UBE2U: variants seen among roughly 807,000 people sequenced by gnomAD.
UBE2U encodes the protein ubiquitin-conjugating enzyme E2 U.
A neutral mutation model predicts 41.2 loss-of-function variants in UBE2U; 39 were observed. That is an observed-to-expected ratio of 0.95 (90% CI 0.73 to 1.24). UBE2U has a LOEUF of 1.24. Ranked by LOEUF, UBE2U falls within the 50% of genes most tolerant of loss-of-function variation. The pLI is 0.00. For synonymous variants in UBE2U, 107 were observed against 117.8 expected, an observed-to-expected ratio of 0.91 and a Z score of 0.60; for missense variants, 336 against 363.1, an observed-to-expected ratio of 0.93 and a Z score of 0.61.
In UBE2U at chr1:64,234,956, A is replaced by C. The variant is rs923938151; in HGVS notation, c.595+2307A>C. On this transcript the variant is annotated intron_variant, in intron 7 of 9. Coordinates refer to ENST00000371077, the MANE Select transcript of UBE2U (RefSeq NM_001366232.2). ...AGTCAAACTCCTTCCACCAAAAAAC[A>C]GATTGTTACAGGAGGGTGCTTTCTA... Among the ~76,000 whole-genome samples, 5 of 152,300 alleles carry C rather than the reference A, an allele frequency of 3.3e-5. No homozygotes were observed. In the East Asian group the frequency reaches 9.7e-4, roughly 29 times the overall value.
intron 6 of UBE2U, among the ~76,000 whole-genome samples, chr1:64,221,285 G>A (rs41285396): frequency 6.1e-4 from 93 of 152,150 alleles, no homozygotes; most frequent in Non-Finnish European, 1.2e-3. Context: ...CTAATTTTTT[G>A]TATTTTTAGT....
intron 7 of UBE2U, among the ~76,000 whole-genome samples, chr1:64,241,429 C>T (rs1272771170): frequency 2.0e-5 from 3 of 152,112 alleles, no homozygotes; most frequent in Admixed American, 2.0e-4. Context: ...ATGAAAATAA[C>T]TTCCAAGTCA....
At chr1:64,244,187 CAG>C (rs1644882436) in intron 8 of UBE2U, 1 of 1,600,816 alleles carries the variant, frequency 6.2e-7, no homozygotes, top group Non-Finnish European at 8.5e-7. Flanking sequence ...CAGAGTCAAA[CAG>C]ATGTTGGAGA....
rs1185140776 is a variant in UBE2U at position 64,239,131 on chromosome 1, AG to A, written c.596-2520del. Among the ~76,000 whole-genome samples, 3 of 22,292 alleles carry A rather than the reference AG, an allele frequency of 1.3e-4. 1 individual carries two copies. Among genetic ancestry groups the A allele is most frequent in the African/African-American group, 5.5e-4 (2 of 3,664 alleles). 14.6% of individuals were successfully genotyped at this position (22,292 alleles called of 152,430 possible). A position where few individuals can be genotyped will look rare whatever the true frequency, so the allele number is the denominator to read the frequency against. On this transcript the variant is annotated intron_variant, in intron 7 of 9. Coordinates refer to ENST00000371077, the MANE Select transcript of UBE2U (RefSeq NM_001366232.2). ...AAGAAGAAGAAGAAGAAGAAGAAGA[AG>A]AAGAAGAAGAAGAAGAAGAAGAAGA...
intron 8 of UBE2U, among the ~76,000 whole-genome samples, chr1:64,257,928 C>A (rs1009514421): frequency 3.3e-5 from 5 of 151,378 alleles, no homozygotes; most frequent in Admixed American, 1.3e-4. Flanking sequence ...AAAAAAAACT[C>A]TCAGTAAATT....
intron 8 of UBE2U, among the ~76,000 whole-genome samples, chr1:64,254,790 T>G (rs1178060290): frequency 6.6e-6 from 1 of 152,030 alleles, no homozygotes; most frequent in Non-Finnish European, 1.5e-5. Context: ...GAGAGGGAAA[T>G]TTATAGCACT....
intron 8 of UBE2U, among the ~76,000 whole-genome samples, chr1:64,259,737 A>C (rs548051853): frequency 1.3e-5 from 2 of 151,664 alleles, no homozygotes; most frequent in East Asian, 3.9e-4. Flanking sequence ...CCATATGTAA[A>C]CTCTTTCTCC....
chr1:64,258,241 G>T (rs1645125879), intron 8 of UBE2U, among the ~76,000 whole-genome samples: 1 of 152,126 alleles, frequency 6.6e-6, no homozygotes, highest in Non-Finnish European at 1.5e-5. Flanking sequence ...CTGGCACAAG[G>T]TTGGTGTTCA....
At position 64,205,698 on chromosome 1, in the gene UBE2U, T is replaced by G. The variant is rs369459531; in HGVS notation, c.126T>G (p.Gly42=). The change falls in exon 2 of 10, where the codon GGT becomes GGG. Residue 42 remains glycine (G), a synonymous_variant. Coordinates refer to ENST00000371077, the MANE Select transcript of UBE2U (RefSeq NM_001366232.2). ...TGGAATGGGAAGTTGAAATTGAAGG[T>G]CTACAGAATTCAGTTTGGCAGGGTT... ...DMMEWEVEIE[G]LQNSVWQGLV... is the part of the protein sequence containing the mutation. The G allele has an allele frequency of 4.6e-5, 75 of 1,613,062 alleles. No homozygotes were observed. Among genetic ancestry groups the G allele is most frequent in the Non-Finnish European group, 6.3e-5 (74 of 1,179,504 alleles).
At chr1:64,243,697 T>C (rs1570102626) in intron 8 of UBE2U, among the ~76,000 whole-genome samples, 1 of 152,202 alleles carries the variant, frequency 6.6e-6, no homozygotes, top group South Asian at 2.1e-4. Context: ...AATACCTTAT[T>C]CTTAAGCCAC....
intron 8 of UBE2U, among the ~76,000 whole-genome samples, chr1:64,257,840 AT>A (rs983572030): frequency 1.1e-4 from 17 of 151,712 alleles, no homozygotes; most frequent in African/African-American, 3.9e-4. Flanking sequence ...AACTTTTCAA[AT>A]AAAATTAAAA....
chr1:64,250,495 A>C (rs1046834404), intron 8 of UBE2U, among the ~76,000 whole-genome samples: 1 of 152,186 alleles, frequency 6.6e-6, no homozygotes. Flanking sequence ...AACAAAACCA[A>C]AGACAGTATA....
chr1:64,255,571 A>G (rs1645077034), intron 8 of UBE2U, among the ~76,000 whole-genome samples: 1 of 152,168 alleles, frequency 6.6e-6, no homozygotes, highest in Non-Finnish European at 1.5e-5. Flanking sequence ...AAACTTATCC[A>G]CCACAATCAA....
chr1:64,239,153 GAA>G (rs1644765669), intron 7 of UBE2U, among the ~76,000 whole-genome samples: 4 of 27,978 alleles, frequency 1.4e-4, no homozygotes, highest in African/African-American at 4.9e-4. Context: ...AGAAGAAGAA[GAA>G]GAAAGAAGAA....
intron 8 of UBE2U, among the ~76,000 whole-genome samples, chr1:64,259,187 A>C (rs1645144113): frequency 6.6e-6 from 1 of 151,854 alleles, no homozygotes; most frequent in Admixed American, 6.6e-5. Flanking sequence ...TTTTCTTATA[A>C]ATTTGTTTAA....
intron 6 of UBE2U, among the ~76,000 whole-genome samples, chr1:64,221,738 T>C (rs549839640): frequency 6.6e-6 from 1 of 152,300 alleles, no homozygotes; most frequent in Admixed American, 6.5e-5. Flanking sequence ...GTTGTAACAG[T>C]GTTTACTTTA....
intron 8 of UBE2U, chr1:64,244,390 A>G (rs2100474395): frequency 1.9e-6 from 1 of 536,666 alleles, no homozygotes; most frequent in African/African-American, 2.1e-5. Flanking sequence ...TTAATATAGC[A>G]TCACACATAG....
Position 64,232,661 on chromosome 1 carries a change from T to G in UBE2U, c.595+12T>G, listed in dbSNP as rs145887527. ...CTACAGAACTCCATGTAAGGTGAAC[T>G]ATCCTTATCCTATGTCCTTTTGGTA... On this transcript the variant is annotated intron_variant, in intron 7 of 9. Coordinates refer to ENST00000371077, the MANE Select transcript of UBE2U (RefSeq NM_001366232.2). 2.7e-3 allele frequency: 4,264 copies of G among 1,591,034 alleles called. 9 individuals carry two copies. Among genetic ancestry groups the G allele is most frequent in the Non-Finnish European group, 3.3e-3 (3,831 of 1,163,030 alleles).
Position 64,255,720 on chromosome 1 carries a change from T to C in UBE2U, c.678-4883T>C, listed in dbSNP as rs1645079336. ...AAACCATCACAAGACAAGGATGCCC[T>C]CTCTCACCGCTCCTATTCAACATAG... On this transcript the variant is annotated intron_variant, in intron 8 of 9. Transcript: ENST00000371077. 3.9e-5 allele frequency among the ~76,000 whole-genome samples: 6 copies of C among 152,076 alleles called. No individual in the cohort carries two copies. In the South Asian group the frequency reaches 1.2e-3, roughly 31 times the overall value.
Sources: allele counts gnomAD v4.1 joint callset (sites outside exome capture counted in the v4.1 genomes callset), GRCh38; gene constraint gnomAD v4.1.1; transcripts MANE v1.5; gene names NCBI Gene and HGNC (gene_info 2026-07-23, HGNC 2026-07-21).